Variants in DMD observed in about 807,000 individuals in gnomAD.
DMD encodes the protein mutant dystrophin.
Under a neutral mutation model 330.1 loss-of-function variants are expected in DMD, and 63 were observed. The observed-to-expected ratio is 0.19, with a 90% confidence interval of 0.16 to 0.24. The LOEUF (loss-of-function observed/expected upper bound fraction) is 0.24. Among genes scored for constraint, DMD ranks in the 10% least tolerant of loss-of-function variants. DMD has a pLI of 1.00. For missense variants in DMD, 3,344 were observed against 2,684.1 expected (o/e 1.25, Z -5.43); for synonymous variants, 1,223 against 959.8 (o/e 1.27, Z -5.07).
At chrX:32,565,429 T>A (rs2051580968) in intron 16 of DMD, among the ~76,000 whole-genome samples, 1 of 111,549 alleles carries the variant, frequency 9.0e-6, no homozygotes, top group African/African-American at 3.3e-5. Context: ...GTTCCCAGCA[T>A]TTTGTTCGCC....
chrX:32,077,260 T>C (rs1194568205), intron 44 of DMD, among the ~76,000 whole-genome samples: 3 of 110,906 alleles, frequency 2.7e-5, no homozygotes, highest in African/African-American at 9.8e-5. Context: ...CAAATTCATC[T>C]AGCTGCACCT....
intron 44 of DMD, among the ~76,000 whole-genome samples, chrX:32,204,302 T>C (rs1464636927): frequency 8.9e-6 from 1 of 112,277 alleles, no homozygotes; most frequent in Non-Finnish European, 1.9e-5. Flanking sequence ...AAGAATACCT[T>C]TTCTACCTAT....
chrX:31,788,978 C>T (rs1196047466), intron 50 of DMD, among the ~76,000 whole-genome samples: 1 of 110,663 alleles, frequency 9.0e-6, no homozygotes, highest in Non-Finnish European at 1.9e-5. Context: ...TAAAAGATGA[C>T]GTGAGTCTCT....
At chrX:32,426,071 A>G (rs2098211599) in intron 29 of DMD, among the ~76,000 whole-genome samples, 1 of 112,102 alleles carries the variant, frequency 8.9e-6, no homozygotes, top group Non-Finnish European at 1.9e-5. Context: ...AGGAATGGGA[A>G]AAGATGTAAT....
intron 7 of DMD, among the ~76,000 whole-genome samples, chrX:32,760,725 A>G (rs1365553619): frequency 1.8e-5 from 2 of 112,033 alleles, no homozygotes; most frequent in African/African-American, 3.2e-5. Flanking sequence ...TCATATATTG[A>G]TGTTGCATAT....
chrX:31,917,414 A>G lies in DMD; in HGVS notation c.6912+12182T>C, dbSNP rs759069222. ...CCCAAGCACTTCTAATATTAAACTC[A>G]GAAATAAATGTGAGATATACATCCA... On this transcript the variant is annotated intron_variant, in intron 47 of 78. Transcript: ENST00000357033. 1.6e-3 allele frequency among the ~76,000 whole-genome samples: 176 copies of G among 112,498 alleles called. 1 individual carries two copies. The highest frequency in any genetic ancestry group is 5.3e-3 in the African/African-American group (164 of 31,016).
intron 9 of DMD, among the ~76,000 whole-genome samples, chrX:32,668,130 A>G (rs761864466): frequency 1.8e-5 from 2 of 110,936 alleles, no homozygotes; most frequent in South Asian, 3.9e-4. Flanking sequence ...GCCTGGCGAC[A>G]GAGGGAGACT....
intron 44 of DMD, among the ~76,000 whole-genome samples, chrX:32,126,918 T>C (rs757150128): frequency 8.9e-6 from 1 of 112,470 alleles, no homozygotes; most frequent in East Asian, 2.8e-4. Flanking sequence ...TTAACTGGGC[T>C]ATCTAATTAA....
chrX:31,911,574 T>A (rs1446878654), intron 47 of DMD, among the ~76,000 whole-genome samples: 1 of 111,632 alleles, frequency 9.0e-6, no homozygotes, highest in Non-Finnish European at 1.9e-5. Flanking sequence ...GAAATGATGT[T>A]AGACAAAAAG....
rs191090943 is a variant in DMD at position 31,908,657 on chromosome X, G to A, written c.6912+20939C>T. ...GGTGCAGCACACCAGCATGGCCCAC[G>A]CATACCTATGTAACAAACCTGCACG... On this transcript the variant is annotated intron_variant, in intron 47 of 78. Coordinates refer to ENST00000357033, the MANE Select transcript of DMD (RefSeq NM_004006.3). 6.2e-3 allele frequency among the ~76,000 whole-genome samples: 688 copies of A among 110,665 alleles called. 3 individuals carry two copies. Among genetic ancestry groups the A allele is most frequent in the Non-Finnish European group, 0.011 (597 of 52,923 alleles).
chrX:31,744,517 T>G (rs374097212), intron 51 of DMD, among the ~76,000 whole-genome samples: 10 of 112,428 alleles, frequency 8.9e-5, no homozygotes, highest in African/African-American at 3.2e-4. Flanking sequence ...TGTTCTACCT[T>G]GAATAACATC....
intron 30 of DMD, among the ~76,000 whole-genome samples, chrX:32,409,044 C>G (rs765646005): frequency 5.9e-4 from 66 of 111,196 alleles, no homozygotes; most frequent in Non-Finnish European, 1.1e-3. Context: ...TAACTTTTGA[C>G]TCTCTATTTT....
chrX:31,295,942 C>T (rs1277492698), intron 62 of DMD, among the ~76,000 whole-genome samples: 1 of 107,941 alleles, frequency 9.3e-6, no homozygotes, highest in Non-Finnish European at 1.9e-5. Flanking sequence ...ATTAAGCGTA[C>T]AGAAGCATGG....
At chrX:32,838,479 G>A (rs1315453424) in intron 4 of DMD, among the ~76,000 whole-genome samples, 1 of 110,829 alleles carries the variant, frequency 9.0e-6, no homozygotes, top group Non-Finnish European at 1.9e-5. Context: ...TACCACTTAT[G>A]AGTCAGAACA....
intron 1 of DMD, among the ~76,000 whole-genome samples, chrX:33,316,887 T>C (rs2053939736): frequency 9.0e-6 from 1 of 111,278 alleles, no homozygotes; most frequent in South Asian, 3.8e-4. Context: ...AGGTCTTGAT[T>C]TCTTTTATCA....
intron 7 of DMD, among the ~76,000 whole-genome samples, chrX:32,774,854 A>T (rs2073984145): frequency 8.9e-6 from 1 of 111,870 alleles, no homozygotes; most frequent in Admixed American, 9.5e-5. Context: ...AGTCTCGCAA[A>T]GTCTTAACTC....
At chrX:32,006,091 A>G (rs2095659632) in intron 44 of DMD, among the ~76,000 whole-genome samples, 1 of 111,620 alleles carries the variant, frequency 9.0e-6, no homozygotes, top group Admixed American at 9.5e-5. Flanking sequence ...CTCCAGACAT[A>G]ATAAGACTGA....
chrX:31,126,858 A>G (rs1049470879), intron 77 of DMD, among the ~76,000 whole-genome samples, 185 bp from the exon 78 acceptor site: 7 of 110,336 alleles, frequency 6.3e-5, no homozygotes, highest in Admixed American at 2.9e-4. Flanking sequence ...ACATCTAGTC[A>G]AATAACCTTT....
At chrX:31,822,291 G>GA (rs1569453976) in intron 49 of DMD, among the ~76,000 whole-genome samples, 1 of 111,823 alleles carries the variant, frequency 8.9e-6, no homozygotes, top group African/African-American at 3.3e-5. Context: ...GCGCCAGGTG[G>GA]AAAAAGGGCA....
Sources: allele counts gnomAD v4.1 joint callset (sites outside exome capture counted in the v4.1 genomes callset), GRCh38; gene constraint gnomAD v4.1.1; transcripts MANE v1.5; gene names NCBI Gene and HGNC (gene_info 2026-07-23, HGNC 2026-07-21).